VWF: variants seen among roughly 807,000 people sequenced by gnomAD.
The protein encoded by VWF is von Willebrand factor.
VWF carries 176 observed loss-of-function variants against 308.6 expected under a neutral mutation model. That is an observed-to-expected ratio of 0.57 (90% CI 0.50 to 0.65). The LOEUF is 0.65. Among genes scored for constraint, VWF ranks in the 30% least tolerant of loss-of-function variants. VWF has a pLI of 0.00. For missense variants in VWF, 3,146 were observed against 3,648.2 expected (o/e 0.86, Z 3.55); for synonymous variants, 1,385 against 1,443.4 (o/e 0.96, Z 0.92).
chr12:6,092,626 T>TGAGAGAGAGA (rs1242670462), intron 6 of VWF, among the ~76,000 whole-genome samples: 22 of 83,488 alleles, frequency 2.6e-4, no homozygotes, highest in South Asian at 3.8e-4. Context: ...AGAGTGTGTG[T>TGAGAGAGAGA]GTGTGTGTGT....
intron 13 of VWF, among the ~76,000 whole-genome samples, chr12:6,062,087 CTAATT>C (rs1481124969): frequency 6.6e-6 from 1 of 152,104 alleles, no homozygotes; most frequent in Non-Finnish European, 1.5e-5. Flanking sequence ...TTAAATGTCT[CTAATT>C]TAATTTTCAA....
chr12:6,058,100 T>C lies in VWF; in HGVS notation c.1534-56A>G. The C allele has an allele frequency of 1.9e-6, 3 of 1,596,400 alleles. No individual in the cohort carries two copies. ...GCTGCCGCGAAAGCAGCGGCATAGT[T>C]GTTTAGCTAATGAGATGGTTTTAAT... is the stretch of plus-strand genomic sequence containing the variant. On this transcript the variant is annotated intron_variant, in intron 13 of 51. Transcript: ENST00000261405. The surrounding 1 kb of genome is among the most constrained non-coding windows in gnomAD (Gnocchi z 4.9).
intron 47 of VWF, among the ~76,000 whole-genome samples, chr12:5,965,734 C>T (rs920960471): frequency 6.6e-6 from 1 of 152,286 alleles, no homozygotes; most frequent in Middle Eastern, 3.4e-3. Flanking sequence ...ACCCCCAACC[C>T]AGGAGGTGTC....
rs1189286616 is a variant in VWF at position 5,976,228 on chromosome 12, C to T, written c.7320G>A (p.Val2440=). The change falls in exon 43 of 52, where the codon GTG becomes GTA. Residue 2440 remains valine (V), a synonymous_variant. Transcript: ENST00000261405. ...CGCAGCCCTCCTCCCAGAACTGGCC[C>T]ACAGGGTAGATGGTGCTTCGGTGGA... ...VCVHRSTIYP[V]GQFWEEGCDV... 2 of 1,614,102 alleles carry T rather than the reference C, an allele frequency of 1.2e-6. No homozygotes were observed. The highest frequency in any genetic ancestry group is 2.2e-5 in the South Asian group (2 of 91,076).
At chr12:6,034,955 A>T in intron 19 of VWF, 129 bp from the exon 20 acceptor site, 1 of 1,203,476 alleles carries the variant, frequency 8.3e-7, no homozygotes, top group African/African-American at 1.5e-5. Flanking sequence ...AGCCCAAGGA[A>T]GTTGAGGACC....
chr12:6,049,755 G>A (rs1000665791), intron 16 of VWF, among the ~76,000 whole-genome samples: 17 of 152,368 alleles, frequency 1.1e-4, no homozygotes, highest in African/African-American at 3.8e-4. Context: ...CCAGACAACT[G>A]TAGTAAAACA....
rs374601266 is a variant in VWF at position 6,121,287 on chromosome 12, C to G, written c.107G>C (p.Ser36Thr). The change falls in exon 3 of 52, where the codon AGC becomes ACC. Residue 36 changes from serine to threonine, a missense_variant. Ser to Thr is a moderately conservative substitution (Grantham distance 58). Coordinates refer to ENST00000261405, the MANE Select transcript of VWF (RefSeq NM_000552.5). ...GTTGACGAAGTCACTTCCGAAAAGG[C>G]TGCATCGGGCCGTGGATGACCTGCC... Reference protein sequence around the residue: ...TRGRSSTARCSLFGSDFVNTF... With the variant: ...TRGRSSTARCTLFGSDFVNTF... The G allele has an allele frequency of 6.2e-7, 1 of 1,614,230 alleles. No homozygotes were observed. Among genetic ancestry groups the G allele is most frequent in the Non-Finnish European group, 8.5e-7 (1 of 1,180,046 alleles).
rs1206116702 is a variant in VWF at position 6,063,774 on chromosome 12, A to T, written c.1432+472T>A. On this transcript the variant is annotated intron_variant, in intron 12 of 51. Transcript: ENST00000261405. The surrounding 1 kb of genome is among the most constrained non-coding windows in gnomAD (Gnocchi z 4.9). ...AGTGCAACCCAGGTGAAGATACTGGACAGGTAGGTTTTTTGCTACCTCTAG... is the reference window on the plus strand; with the variant it reads ...AGTGCAACCCAGGTGAAGATACTGGTCAGGTAGGTTTTTTGCTACCTCTAG... 1.3e-5 allele frequency among the ~76,000 whole-genome samples: 2 copies of T among 152,154 alleles called. No homozygotes were observed. Among genetic ancestry groups the T allele is most frequent in the Non-Finnish European group, 2.9e-5 (2 of 68,024 alleles).
In VWF at chr12:6,069,693, G is replaced by C. The variant is rs1052659270; in HGVS notation, c.1156+1604C>G. Among the ~76,000 whole-genome samples the C allele has an allele frequency of 2.0e-5, 3 of 152,260 alleles. No homozygotes were observed. In the East Asian group the frequency reaches 5.8e-4, roughly 29 times the overall value. On this transcript the variant is annotated intron_variant, in intron 10 of 51. Transcript: ENST00000261405. The stretch of plus-strand genomic sequence containing the variant: ...GCCAGGGCTTTGAGAATGCAGAGAA[G>C]AGCGTAGTGGTTTTGTTGGCAAAAT...
chr12:6,082,625 G>A (rs1213461717), intron 6 of VWF, among the ~76,000 whole-genome samples: 1 of 152,234 alleles, frequency 6.6e-6, no homozygotes, highest in Non-Finnish European at 1.5e-5. Context: ...GTTCTAATAA[G>A]GCAAATGTTG....
At chr12:6,091,546 T>A (rs2136494036) in intron 6 of VWF, among the ~76,000 whole-genome samples, 1 of 152,192 alleles carries the variant, frequency 6.6e-6, no homozygotes, top group Middle Eastern at 3.4e-3. Flanking sequence ...AGAGTTTTGG[T>A]TTTGGTTTTG....
chr12:5,961,290 CT>C (rs904792475), intron 47 of VWF, among the ~76,000 whole-genome samples: 6 of 152,170 alleles, frequency 3.9e-5, no homozygotes, highest in African/African-American at 4.8e-5. Flanking sequence ...AACAATCCCC[CT>C]GACCCTAGTC....
Position 6,110,357 on chromosome 12 carries a change from A to G in VWF, c.532+17T>C, listed in dbSNP as rs114404109. The G allele has an allele frequency of 3.4e-4, 551 of 1,612,916 alleles. 5 individuals carry two copies. In the African/African-American group the frequency reaches 5.1e-3, roughly 15 times the overall value. On this transcript the variant is annotated intron_variant, in intron 5 of 51. Transcript: ENST00000261405. ...CATGGCCACACTTTAGGGAAATGGTATCCCAGAACATCTTACCTTCTTGGG... is the reference window on the plus strand; with the variant it reads ...CATGGCCACACTTTAGGGAAATGGTGTCCCAGAACATCTTACCTTCTTGGG...
At position 6,064,351 on chromosome 12, in the gene VWF, AGCGGGTGCACACAGCGTC is replaced by A. The variant is rs267607305; in HGVS notation, c.1309_1326del (p.Asp437_Arg442del). 2 of 1,614,154 alleles carry A rather than the reference AGCGGGTGCACACAGCGTC, an allele frequency of 1.2e-6. No individual in the cohort carries two copies. Among genetic ancestry groups the A allele is most frequent in the Non-Finnish European group, 1.7e-6 (2 of 1,180,038 alleles). On this transcript the variant is annotated inframe_deletion, in exon 12 of 52. Transcript: ENST00000261405. ...AGGCCAGGCAGCCGGACGGTGACGG[AGCGGGTGCACACAGCGTC>A]GCGGTCATCAGCACACTGCCAAGAG...
intron 15 of VWF, among the ~76,000 whole-genome samples, chr12:6,053,416 C>T: frequency 6.6e-6 from 1 of 152,204 alleles, no homozygotes; most frequent in East Asian, 1.9e-4. Flanking sequence ...CCCTAAAGCT[C>T]ATGCTCATAA....
chr12:5,994,833 G>A lies in VWF; in HGVS notation c.6064-226C>T, dbSNP rs191279354. ...AAAACAGGCTGTTGTAATACTGTAC[G>A]GGTGGCCATGCACCAAGAACCTAAA... is the stretch of plus-strand genomic sequence containing the variant. On this transcript the variant is annotated intron_variant, in intron 35 of 51. Transcript: ENST00000261405. Among the ~76,000 whole-genome samples, 197 of 152,236 alleles carry A rather than the reference G, an allele frequency of 1.3e-3. 2 individuals carry two copies. The highest frequency in any genetic ancestry group is 6.8e-3 in the Middle Eastern group (2 of 294).
At chr12:5,953,413 C>G in intron 48 of VWF, 83 bp downstream of exon 48, 1 of 1,096,488 alleles carries the variant, frequency 9.1e-7, no homozygotes, top group Non-Finnish European at 1.4e-6. Flanking sequence ...CCAAACTTAG[C>G]CCCTCTTCCT....
Position 6,016,633 on chromosome 12 carries a change from C to A in VWF, c.5194G>T (p.Val1732Leu), listed in dbSNP as rs1404301969. The A allele has an allele frequency of 6.2e-7, 1 of 1,614,100 alleles. No homozygotes were observed. The highest frequency in any genetic ancestry group is 1.3e-5 in the African/African-American group (1 of 74,924). ...NIGPRLTQVS[V>L]LQYGSITTID... Reference sequence around the variant, plus strand: ...GTGGTGATGCTTCCATACTGCAGCACTGACACCTGAGTGAGACGAGGCCCT... The same window carrying A: ...GTGGTGATGCTTCCATACTGCAGCAATGACACCTGAGTGAGACGAGGCCCT... The change falls in exon 30 of 52, where the codon GTG becomes TTG. Residue 1732 changes from valine (V) to leucine (L), a missense_variant. Coordinates refer to ENST00000261405, the MANE Select transcript of VWF (RefSeq NM_000552.5).
intron 34 of VWF, among the ~76,000 whole-genome samples, chr12:6,009,057 A>G (rs1165578232): frequency 6.6e-6 from 1 of 152,216 alleles, no homozygotes; most frequent in Non-Finnish European, 1.5e-5. Flanking sequence ...TGCCAAAAAC[A>G]AGGCAACAAA....
Sources: gnomAD v4.1 joint callset for allele counts (sites outside exome capture counted in the v4.1 genomes callset) on GRCh38, gnomAD v4.1.1 for gene constraint, Gnocchi (gnomAD v3.1) non-coding constraint, MANE v1.5 for transcripts, NCBI Gene and HGNC (gene_info 2026-07-23, HGNC 2026-07-21) for gene names.